MACF1: variants seen among roughly 807,000 people sequenced by gnomAD.
MACF1 encodes microtubule-actin cross-linking factor 1.
MACF1 carries 193 observed loss-of-function variants against 854.8 expected under a neutral mutation model. The observed-to-expected ratio is 0.23, with a 90% CI of 0.20 to 0.25. The LOEUF is 0.25. Among genes scored for constraint, MACF1 ranks in the 10% least tolerant of loss-of-function variants. The pLI is 1.00. For synonymous variants in MACF1, 3,185 were observed against 3,226.7 expected (o/e 0.99, Z 0.44); for missense variants, 7,722 against 8,929.1 (o/e 0.86, Z 5.45).
intron 51 of MACF1, among the ~76,000 whole-genome samples, chr1:39,371,923 C>T (rs985886858): frequency 2.0e-5 from 3 of 152,048 alleles, no homozygotes; most frequent in Non-Finnish European, 2.9e-5. Context: ...AAGCAACTCT[C>T]CCGTCTCAGC....
intron 1 of MACF1, among the ~76,000 whole-genome samples, chr1:39,223,272 TC>T (rs1644675402): frequency 6.6e-6 from 1 of 152,224 alleles, no homozygotes; most frequent in Non-Finnish European, 1.5e-5. Flanking sequence ...AGGCATTCCA[TC>T]ATAATGGATC....
At position 39,204,763 on chromosome 1, in the gene MACF1, C is replaced by T; in HGVS notation, c.-260C>T. On this transcript the variant is annotated 5_prime_UTR_variant, in exon 1 of 101. Coordinates refer to ENST00000564288, the MANE Select transcript of MACF1 (RefSeq NM_001394062.1). ...ACTCTCCTTGTTCCTTCTTCCCTTT[C>T]CCCTCCCCCGCTGGCCAGTTGTTTC... 1 of 408,020 alleles carries T rather than the reference C, an allele frequency of 2.5e-6. No individual in the cohort carries two copies. Among genetic ancestry groups the T allele is most frequent in the Non-Finnish European group, 4.4e-6 (1 of 224,830 alleles). The allele number at this position is 408,020 out of a possible 1,614,324, so 25.3% of individuals were successfully genotyped here.
upstream of MACF1, among the ~76,000 whole-genome samples, chr1:39,201,631 C>T (rs147546972): frequency 5.2e-3 from 787 of 152,156 alleles, 5 homozygotes; most frequent in African/African-American, 0.018. Flanking sequence ...GGATTACAGG[C>T]GTGATTCACC....
At chr1:39,151,343 G>A (rs1224020947) in intron 2 of MACF1, among the ~76,000 whole-genome samples, 1 of 152,052 alleles carries the variant, frequency 6.6e-6, no homozygotes, top group Admixed American at 6.6e-5. Context: ...GTCCTAATTG[G>A]TTTCCTCCCT....
rs112314598 is a variant in MACF1 at position 39,169,772 on chromosome 1, T to A, written c.221-61410T>A. ...TCTCCTTGCCCTTTCTTTCTTTCTT[T>A]CTTTTTTTTTTTTTTTTTGAGACTG... is the stretch of plus-strand genomic sequence containing the variant. On this transcript the variant is annotated intron_variant, in intron 2 of 93. Transcript: ENST00000361689. Among the ~76,000 whole-genome samples, 701 of 115,624 alleles carry A rather than the reference T, an allele frequency of 6.1e-3. 5 individuals are homozygous for A. Among genetic ancestry groups the A allele is most frequent in the African/African-American group, 0.022 (643 of 29,478 alleles). 75.9% of individuals were successfully genotyped at this position (115,624 alleles called of 152,430 possible). A position where few individuals can be genotyped will look rare whatever the true frequency, so the allele number is the denominator to read the frequency against.
At position 39,295,902 on chromosome 1, in the gene MACF1, T is replaced by G. The variant is rs1231119110; in HGVS notation, c.2355+20T>G. The G allele has an allele frequency of 1.9e-6, 3 of 1,600,648 alleles. No homozygotes were observed. Among genetic ancestry groups the G allele is most frequent in the Admixed American group, 3.3e-5 (2 of 59,742 alleles). ...TTTCAGGTGTGATGGATTTCTGTGT[T>G]TGTGTGTGTGTGTACATATGTATGT... On this transcript the variant is annotated intron_variant, in intron 20 of 100. Coordinates refer to ENST00000564288, the MANE Select transcript of MACF1 (RefSeq NM_001394062.1).
chr1:39,217,905 C>T lies in MACF1; in HGVS notation c.109+12774C>T, dbSNP rs376184198. On this transcript the variant is annotated intron_variant, in intron 1 of 100. Coordinates refer to ENST00000564288, the MANE Select transcript of MACF1 (RefSeq NM_001394062.1). ...CTCAAAAAAAAAAAAAAAAAGAGGTCGGTCACAGTGGCTCATGCCTGTAAT... is the reference window on the plus strand; with the variant it reads ...CTCAAAAAAAAAAAAAAAAAGAGGTTGGTCACAGTGGCTCATGCCTGTAAT... 1.0e-4 allele frequency among the ~76,000 whole-genome samples: 15 copies of T among 146,268 alleles called. No homozygotes were observed. In the East Asian group the frequency reaches 2.6e-3, roughly 25 times the overall value.
intron 2 of MACF1, among the ~76,000 whole-genome samples, chr1:39,186,361 G>T (rs1032909660): frequency 7.3e-5 from 11 of 150,696 alleles, no homozygotes; most frequent in Admixed American, 6.6e-4. Flanking sequence ...CCAACTCCCT[G>T]GTTCAAATGA....
intron 2 of MACF1, among the ~76,000 whole-genome samples, chr1:39,090,105 C>G (rs560774189): frequency 1.3e-5 from 2 of 152,288 alleles, no homozygotes; most frequent in South Asian, 4.1e-4. Flanking sequence ...TCTGGCCAAG[C>G]CGTGAGTGGG....
intron 95 of MACF1, among the ~76,000 whole-genome samples, chr1:39,465,891 G>A (rs1460165335): frequency 3.9e-5 from 6 of 152,282 alleles, no homozygotes; most frequent in Admixed American, 1.3e-4. Context: ...CAGGGGATAA[G>A]AGAAAAAAAC....
intron 2 of MACF1, among the ~76,000 whole-genome samples, chr1:39,087,524 C>T (rs1021913258): frequency 6.6e-6 from 1 of 152,230 alleles, no homozygotes; most frequent in African/African-American, 2.4e-5. Context: ...CCTTTCCCTA[C>T]ATTTGTTTCT....
intron 2 of MACF1, chr1:39,103,253 AAGCATC>A: frequency 3.0e-6 from 1 of 337,500 alleles, no homozygotes; most frequent in South Asian, 2.4e-5. Context: ...CACCTTTGGC[AAGCATC>A]AGTCACACAT....
At chr1:39,182,685 T>G (rs1023774391) in intron 2 of MACF1, among the ~76,000 whole-genome samples, 1 of 152,152 alleles carries the variant, frequency 6.6e-6, no homozygotes, top group African/African-American at 2.4e-5. Context: ...CCCACTAGAA[T>G]GGCTTTAATA....
intron 58 of MACF1, among the ~76,000 whole-genome samples, chr1:39,390,292 A>G (rs565323999): frequency 1.3e-5 from 2 of 152,360 alleles, no homozygotes; most frequent in South Asian, 4.1e-4. Flanking sequence ...AGCGTTATTT[A>G]TCTTAAAAAC....
At chr1:39,255,632 C>A (rs1485322281) in intron 5 of MACF1, among the ~76,000 whole-genome samples, 1 of 152,236 alleles carries the variant, frequency 6.6e-6, no homozygotes, top group African/African-American at 2.4e-5. Flanking sequence ...TGCTCCAATG[C>A]ATTATAGGCT....
intron 2 of MACF1, among the ~76,000 whole-genome samples, chr1:39,093,266 T>G (rs1389319650): frequency 6.6e-6 from 1 of 151,788 alleles, no homozygotes; most frequent in East Asian, 1.9e-4. Flanking sequence ...ATCTCACAGT[T>G]TGAGGGTTCA....
chr1:39,136,129 G>C (rs1486311824), intron 2 of MACF1, among the ~76,000 whole-genome samples: 1 of 152,078 alleles, frequency 6.6e-6, no homozygotes, highest in Non-Finnish European at 1.5e-5. Context: ...TTCTTCTCTG[G>C]GTTCCCCTCA....
chr1:39,288,325 C>T (rs981875786), intron 15 of MACF1, among the ~76,000 whole-genome samples: 4 of 151,896 alleles, frequency 2.6e-5, no homozygotes, highest in African/African-American at 7.3e-5. Flanking sequence ...GGTGAAACCC[C>T]GTCTCTACTA....
chr1:39,363,559 A>G (rs1360984146), intron 49 of MACF1, among the ~76,000 whole-genome samples: 1 of 151,254 alleles, frequency 6.6e-6, no homozygotes, highest in Non-Finnish European at 1.5e-5. Flanking sequence ...TTCATTGTGT[A>G]GAAGAGTTAC....
Sources: gnomAD v4.1 joint callset for allele counts (sites outside exome capture counted in the v4.1 genomes callset) on GRCh38, gnomAD v4.1.1 for gene constraint, MANE v1.5 for transcripts, NCBI Gene and HGNC (gene_info 2026-07-23, HGNC 2026-07-21) for gene names.